Variants in SGCZ observed in about 807,000 individuals in gnomAD.
The protein encoded by SGCZ is zeta-sarcoglycan.
SGCZ carries 40 observed loss-of-function variants against 41.3 expected under a neutral mutation model. The ratio of observed to expected loss-of-function variants is 0.97; its 90% confidence interval spans 0.75 to 1.26. SGCZ has a LOEUF of 1.26. Ranked by LOEUF, SGCZ falls within the 50% of genes most tolerant of loss-of-function variation. The pLI is 0.00. For synonymous variants in SGCZ, 206 were observed against 137.5 expected, an observed-to-expected ratio of 1.50 and a Z score of -3.49; for missense variants, 552 against 369.8, an observed-to-expected ratio of 1.49 and a Z score of -4.04.
At chr8:14,864,259 T>G (rs1803851750) in intron 1 of SGCZ, among the ~76,000 whole-genome samples, 1 of 152,154 alleles carries the variant, frequency 6.6e-6, no homozygotes, top group African/African-American at 2.4e-5. Context: ...TTTTTTCTAT[T>G]TCATCCTGTG....
intron 1 of SGCZ, among the ~76,000 whole-genome samples, chr8:14,908,045 T>C (rs1375843626): frequency 1.3e-5 from 2 of 152,180 alleles, no homozygotes; most frequent in African/African-American, 4.8e-5. Flanking sequence ...CAGAAACAGA[T>C]ACATAGAAAC....
At chr8:14,275,759 A>G (rs1800208706) in intron 3 of SGCZ, among the ~76,000 whole-genome samples, 1 of 152,116 alleles carries the variant, frequency 6.6e-6, no homozygotes, top group Admixed American at 6.6e-5. Flanking sequence ...CTTTTGTGCA[A>G]TGGAATCCTT....
intron 4 of SGCZ, among the ~76,000 whole-genome samples, chr8:14,234,241 T>C (rs1806676268): frequency 6.6e-6 from 1 of 152,048 alleles, no homozygotes; most frequent in South Asian, 2.1e-4. Context: ...TTAGAAATAA[T>C]TTGATTTAAA....
chr8:15,129,020 A>T (rs1224917555), intron 1 of SGCZ, among the ~76,000 whole-genome samples: 1 of 152,148 alleles, frequency 6.6e-6, no homozygotes, highest in African/African-American at 2.4e-5. Context: ...TTTGAGACCT[A>T]CCAGATCTCA....
intron 1 of SGCZ, among the ~76,000 whole-genome samples, chr8:15,007,963 C>T (rs1183240908): frequency 2.0e-5 from 3 of 152,088 alleles, no homozygotes; most frequent in Non-Finnish European, 4.4e-5. Context: ...TTCAGCATTT[C>T]CATACAAAAT....
chr8:14,584,154 G>A (rs973899834), intron 1 of SGCZ, among the ~76,000 whole-genome samples: 1 of 152,088 alleles, frequency 6.6e-6, no homozygotes, highest in Non-Finnish European at 1.5e-5. Flanking sequence ...GATTTAAATA[G>A]CAAAAGGGGG....
At chr8:14,986,986 G>C (rs1801844967) in intron 1 of SGCZ, among the ~76,000 whole-genome samples, 1 of 151,832 alleles carries the variant, frequency 6.6e-6, no homozygotes, top group Non-Finnish European at 1.5e-5. Flanking sequence ...TATTTTAATT[G>C]AGATTCATCA....
At chr8:15,094,895 C>G (rs1321771628) in intron 1 of SGCZ, among the ~76,000 whole-genome samples, 1 of 152,136 alleles carries the variant, frequency 6.6e-6, no homozygotes, top group Non-Finnish European at 1.5e-5. Context: ...CTCCCCAGCC[C>G]TGCAGAACTG....
chr8:15,092,985 T>A (rs748908216), intron 1 of SGCZ, among the ~76,000 whole-genome samples: 6 of 152,228 alleles, frequency 3.9e-5, no homozygotes, highest in African/African-American at 1.2e-4. Context: ...CAGCCACATA[T>A]GACAAATACA....
intron 1 of SGCZ, among the ~76,000 whole-genome samples, chr8:15,042,050 C>CT (rs1227487370): frequency 2.0e-5 from 3 of 152,074 alleles, no homozygotes; most frequent in African/African-American, 4.8e-5. Flanking sequence ...ATTCTCTTCT[C>CT]TTTTTTTGCA....
chr8:14,645,499 T>A (rs1176045835), intron 1 of SGCZ, among the ~76,000 whole-genome samples: 1 of 146,536 alleles, frequency 6.8e-6, no homozygotes, highest in African/African-American at 2.5e-5. Flanking sequence ...TATATATATA[T>A]ATGGCACATA....
rs1799319076 is a variant in SGCZ, at chr8:14,252,399, A to G, written c.337-14720T>C. On this transcript the variant is annotated intron_variant, in intron 3 of 7. Coordinates refer to ENST00000382080, the MANE Select transcript of SGCZ (RefSeq NM_139167.4). ...TCATTTCTGAAGCATTGATACATAT[A>G]TATGATGTATATATAATTTTAATAT... 2.0e-5 allele frequency among the ~76,000 whole-genome samples: 3 copies of G among 152,156 alleles called. No individual in the cohort carries two copies. In the South Asian group the frequency reaches 6.2e-4, roughly 31 times the overall value.
At chr8:15,001,728 CAAAAAAAAAAAA>C (rs1223307583) in intron 1 of SGCZ, among the ~76,000 whole-genome samples, 2 of 81,048 alleles carry the variant, frequency 2.5e-5, no homozygotes, top group South Asian at 9.1e-4. Flanking sequence ...GACTCCGTCT[CAAAAAAAAAAAA>C]AAAAAAAAAA....
chr8:14,463,681 G>C (rs1468324764), intron 2 of SGCZ, among the ~76,000 whole-genome samples: 3 of 151,580 alleles, frequency 2.0e-5, no homozygotes, highest in Non-Finnish European at 4.4e-5. Context: ...GTAACAAAAG[G>C]CACTATCAGG....
At chr8:14,757,143 G>A (rs1333909338) in intron 1 of SGCZ, among the ~76,000 whole-genome samples, 2 of 152,062 alleles carry the variant, frequency 1.3e-5, no homozygotes, top group African/African-American at 4.8e-5. Context: ...CAGCCTACCA[G>A]GTTCAAGCAT....
chr8:14,567,124 T>A (rs1309750946), intron 1 of SGCZ, among the ~76,000 whole-genome samples: 1 of 152,204 alleles, frequency 6.6e-6, no homozygotes, highest in African/African-American at 2.4e-5. Flanking sequence ...AGCCTCCCTC[T>A]TCCCCATGGG....
intron 2 of SGCZ, among the ~76,000 whole-genome samples, chr8:14,335,892 A>C (rs1802488799): frequency 6.6e-6 from 1 of 152,142 alleles, no homozygotes; most frequent in African/African-American, 2.4e-5. Flanking sequence ...CTCAATGTTA[A>C]TTCCAAAATT....
chr8:14,691,980 T>G (rs1808814446), intron 1 of SGCZ, among the ~76,000 whole-genome samples: 1 of 151,970 alleles, frequency 6.6e-6, no homozygotes, highest in South Asian at 2.1e-4. Context: ...ACGTGAAATA[T>G]TAGTAGGATA....
At chr8:14,463,114 T>C (rs1488229569) in intron 2 of SGCZ, among the ~76,000 whole-genome samples, 1 of 151,726 alleles carries the variant, frequency 6.6e-6, no homozygotes, top group East Asian at 1.9e-4. Flanking sequence ...ATATTTAAGA[T>C]CATATTATCT....
Sources: gnomAD v4.1 joint callset for allele counts (sites outside exome capture counted in the v4.1 genomes callset) on GRCh38, gnomAD v4.1.1 for gene constraint, MANE v1.5 for transcripts, NCBI Gene and HGNC (gene_info 2026-07-23, HGNC 2026-07-21) for gene names.